The following SETX variants were observed in gnomAD, a reference collection of about 807,000 sequenced individuals.
The protein encoded by SETX is helicase senataxin.
SETX carries 90 observed loss-of-function variants against 227.2 expected under a neutral mutation model. That is an observed-to-expected ratio of 0.40 (90% CI 0.33 to 0.47). The LOEUF (loss-of-function observed/expected upper bound fraction) is 0.47. SETX is among the 20% of genes least tolerant of loss of function. The pLI, the probability that SETX is intolerant of heterozygous loss-of-function variation, is 0.91. For synonymous variants in SETX, 1,210 were observed against 1,113.2 expected (o/e 1.09, Z -1.73); for missense variants, 3,052 against 3,181.5 (o/e 0.96, Z 0.98).
chr9:132,279,403 T>TA (rs899346231), intron 20 of SETX, among the ~76,000 whole-genome samples: 91 of 152,228 alleles, frequency 6.0e-4, no homozygotes, highest in African/African-American at 2.1e-3. Flanking sequence ...CCCTAGAACT[T>TA]AAAGTATAAT....
intron 10 of SETX, among the ~76,000 whole-genome samples, chr9:132,318,108 A>T (rs922272763): frequency 1.3e-5 from 2 of 152,056 alleles, no homozygotes; most frequent in Admixed American, 6.5e-5. Flanking sequence ...CTGAGTGGAC[A>T]TTCTAGCTTG....
In SETX at chr9:132,302,900, A is replaced by C. The variant is rs548229523; in HGVS notation, c.5375-2097T>G. 5.3e-5 allele frequency among the ~76,000 whole-genome samples: 8 copies of C among 152,352 alleles called. No individual in the cohort carries two copies. In the South Asian group the frequency reaches 1.7e-3, roughly 32 times the overall value. The stretch of plus-strand genomic sequence containing the variant: ...GTGTTTAAAAGCAGACCTGCAATCA[A>C]GATCAACTGATATTCCGACAAATAT... On this transcript the variant is annotated intron_variant, in intron 11 of 25. Transcript: ENST00000224140.
chr9:132,312,095 G>C lies in SETX; in HGVS notation c.5275-239C>G, dbSNP rs912279563. On this transcript the variant is annotated intron_variant, in intron 10 of 25. Coordinates refer to ENST00000224140, the MANE Select transcript of SETX (RefSeq NM_015046.7). The stretch of plus-strand genomic sequence containing the variant: ...AAAAATGTTAAAAAATAAAAATTCT[G>C]TTCTTCAAACTAGTCACACTTGCAG... Among the ~76,000 whole-genome samples, 7 of 152,190 alleles carry C rather than the reference G, an allele frequency of 4.6e-5. 1 individual carries two copies. Among genetic ancestry groups the C allele is most frequent in the Non-Finnish European group, 1.5e-5 (1 of 68,040 alleles).
In SETX at chr9:132,264,100, G is replaced by C. The variant is rs1842508505; in HGVS notation, c.*139C>G. 5.1e-6 allele frequency: 6 copies of C among 1,184,064 alleles called. No individual in the cohort carries two copies. The highest frequency in any genetic ancestry group is 4.9e-6 in the Non-Finnish European group (4 of 812,520). 73.3% of individuals were successfully genotyped at this position (1,184,064 alleles called of 1,614,324 possible). A position where few individuals can be genotyped will look rare whatever the true frequency, so the allele number is the denominator to read the frequency against. ...ATACTGAAGATGACCAGAGGCTCAG[G>C]TGTTAAGGATGCATTTTCCATGTTT... On this transcript the variant is annotated 3_prime_UTR_variant, in exon 26 of 26. Transcript: ENST00000224140.
chr9:132,330,151 G>A lies in SETX; in HGVS notation c.1447C>T (p.Gln483Ter), dbSNP rs767013291. Reference sequence around the variant, plus strand: ...TTGACGACGGCTTCCACCCATTGCTGGGAACTTACCCACAGCAAATGCAAA... The same window carrying A: ...TTGACGACGGCTTCCACCCATTGCTAGGAACTTACCCACAGCAAATGCAAA... ...KCLHLLWVSS[Q>*]QWVEAVVKCA... The change falls in exon 10 of 26, where the codon CAG becomes TAG. Residue 483 changes from glutamine (Q) to a stop codon, truncating the protein, a stop_gained. Coordinates refer to ENST00000224140, the MANE Select transcript of SETX (RefSeq NM_015046.7). LOFTEE classifies it high-confidence loss of function. The A allele has an allele frequency of 1.2e-6, 2 of 1,608,338 alleles. No homozygotes were observed. Among genetic ancestry groups the A allele is most frequent in the Non-Finnish European group, 1.7e-6 (2 of 1,175,454 alleles).
At chr9:132,330,521 T>TG in intron 9 of SETX, 22 bp from the exon 10 acceptor site, 1 of 1,602,198 alleles carries the variant, frequency 6.2e-7, no homozygotes, top group Non-Finnish European at 8.5e-7. Flanking sequence ...GAAATGCTGA[T>TG]GTTCAGATAA....
rs761431773 is a variant in SETX, at chr9:132,264,315, G to A, written c.7958C>T (p.Thr2653Ile). 13 of 1,614,018 alleles carry A rather than the reference G, an allele frequency of 8.1e-6. No homozygotes were observed. The highest frequency in any genetic ancestry group is 1.7e-5 in the Admixed American group (1 of 59,992). Reference protein sequence around the residue: ...QEKCGSETHHTRRNSRWDKRT... With the variant: ...QEKCGSETHHIRRNSRWDKRT... ...CTTGTCCCACCTAGAGTTCCTCCTGGTGTGATGGGTCTCGGAACCACACTT... is the reference window on the plus strand; with the variant it reads ...CTTGTCCCACCTAGAGTTCCTCCTGATGTGATGGGTCTCGGAACCACACTT... The change falls in exon 26 of 26, where the codon ACC becomes ATC. Residue 2653 changes from threonine (T) to isoleucine (I), a missense_variant. By Grantham distance (89) the Thr-to-Ile change is moderately conservative (BLOSUM62 -1). Around this residue, in one of 10 missense-constraint regions of SETX, gnomAD observed 294 missense variants for 278.8 expected, o/e 1.05. Coordinates refer to ENST00000224140, the MANE Select transcript of SETX (RefSeq NM_015046.7).
At chr9:132,299,081 G>A (rs1003303749) in intron 12 of SETX, among the ~76,000 whole-genome samples, 3 of 152,230 alleles carry the variant, frequency 2.0e-5, no homozygotes, top group Non-Finnish European at 2.9e-5. Flanking sequence ...GTAGACGTGG[G>A]AACTGGATTT....
chr9:132,333,412 TATATAC>T (rs1488574765), intron 7 of SETX, among the ~76,000 whole-genome samples: 2 of 104,050 alleles, frequency 1.9e-5, no homozygotes, highest in African/African-American at 9.0e-5. Flanking sequence ...AAAAAAAATA[TATATAC>T]ACACACACAC....
intron 18 of SETX, among the ~76,000 whole-genome samples, chr9:132,286,218 G>A (rs1261430745): frequency 6.6e-6 from 1 of 151,076 alleles, no homozygotes; most frequent in Non-Finnish European, 1.5e-5. Flanking sequence ...CAGGCATGGT[G>A]GTGCACGCCT....
In SETX at chr9:132,329,393, T is replaced by C. The variant is rs140415349; in HGVS notation, c.2205A>G (p.Gly735=). ...DCTSRNGPER[G]CDRGIIVSTR... is the part of the protein sequence containing the mutation. Reference sequence around the variant, plus strand: ...TTGATACTATTATTCCTCTGTCACATCCCCTTTCTGGACCATTTCTTGAAG... The same window carrying C: ...TTGATACTATTATTCCTCTGTCACACCCCCTTTCTGGACCATTTCTTGAAG... Residue 735 remains glycine, a synonymous_variant, in exon 10 of 26, where the codon GGA becomes GGG. Transcript: ENST00000224140. The C allele has an allele frequency of 2.5e-6, 4 of 1,613,926 alleles. No individual in the cohort carries two copies. The South Asian group carries it at 4.4e-5, about 18-fold the overall frequency.
chr9:132,345,685 T>G (rs1444882255), intron 4 of SETX, among the ~76,000 whole-genome samples: 2 of 152,240 alleles, frequency 1.3e-5, no homozygotes, highest in Non-Finnish European at 2.9e-5. Flanking sequence ...TCATGTTCAC[T>G]GTATAATTTA....
At chr9:132,335,188 A>G (rs1295407168) in intron 6 of SETX, among the ~76,000 whole-genome samples, 2 of 151,778 alleles carry the variant, frequency 1.3e-5, no homozygotes, top group Non-Finnish European at 2.9e-5. Context: ...CAGGAGATCG[A>G]GACCATCCTG....
intron 1 of SETX, among the ~76,000 whole-genome samples, chr9:132,354,525 AAAAC>A (rs1314658455): frequency 3.3e-5 from 5 of 151,724 alleles, no homozygotes; most frequent in Non-Finnish European, 7.4e-5. Flanking sequence ...AAAAGAAAAA[AAAAC>A]AAAGGGAGGG....
Position 132,275,247 on chromosome 9 carries a change from A to C in SETX, c.7100+9T>G, listed in dbSNP as rs200088320. On this transcript the variant is annotated intron_variant, in intron 23 of 25. Transcript: ENST00000224140. The stretch of plus-strand genomic sequence containing the variant: ...AAGAAAATTGGAAATATTTATAAAA[A>C]TGCCTCACCCTTTTCTATCGAACTC... 6.2e-7 allele frequency: 1 copy of C among 1,613,480 alleles called. No individual in the cohort carries two copies. Among genetic ancestry groups the C allele is most frequent in the East Asian group, 2.2e-5 (1 of 44,860 alleles).
chr9:132,342,669 T>C, intron 5 of SETX, 21 bp downstream of exon 5: 2 of 1,493,316 alleles, frequency 1.3e-6, no homozygotes, highest in Middle Eastern at 1.7e-4. Flanking sequence ...TACCCTTCTA[T>C]CGCCCAACAC....
In SETX at chr9:132,327,757, T is replaced by C. The variant is rs1433049347; in HGVS notation, c.3841A>G (p.Thr1281Ala). The change falls in exon 10 of 26, where the codon ACT becomes GCT. Residue 1281 changes from threonine (T) to alanine (A), a missense_variant. Physicochemically the swap from Thr to Ala is moderately conservative, Grantham distance 58. Coordinates refer to ENST00000224140, the MANE Select transcript of SETX (RefSeq NM_015046.7). ...PKKFRQCPEPTSTAEKLGLKK... is the reference protein window; with the variant it reads ...PKKFRQCPEPASTAEKLGLKK... ...AGGCCAAGTTTCTCAGCTGTTGAAGTTGGCTCAGGACACTGACGAAATTTC... is the reference window on the plus strand; with the variant it reads ...AGGCCAAGTTTCTCAGCTGTTGAAGCTGGCTCAGGACACTGACGAAATTTC... 3 of 1,614,208 alleles carry C rather than the reference T, an allele frequency of 1.9e-6. No homozygotes were observed. Among genetic ancestry groups the C allele is most frequent in the South Asian group, 2.2e-5 (2 of 91,086 alleles).
chr9:132,327,223 A>G lies in SETX; in HGVS notation c.4375T>C (p.Ser1459Pro), dbSNP rs768109602. 4 of 1,614,088 alleles carry G rather than the reference A, an allele frequency of 2.5e-6. No homozygotes were observed. The highest frequency in any genetic ancestry group is 3.4e-6 in the Non-Finnish European group (4 of 1,180,044). ...GTVPTNEVIV[S>P]TSEDPLGGGD... Reference sequence around the variant, plus strand: ...CCACCCAGAGGGTCTTCTGAAGTGGAGACAATTACTTCATTTGTTGGTACT... The same window carrying G: ...CCACCCAGAGGGTCTTCTGAAGTGGGGACAATTACTTCATTTGTTGGTACT... The change falls in exon 10 of 26, where the codon TCC becomes CCC. Residue 1459 changes from serine to proline, a missense_variant. Physicochemically the swap from Ser to Pro is moderately conservative, Grantham distance 74. This residue lies in a region of SETX where 1,483 missense variants were observed against 1,312.0 expected (regional missense o/e 1.13). Transcript: ENST00000224140.
intron 5 of SETX, among the ~76,000 whole-genome samples, chr9:132,340,891 C>A (rs1346867748): frequency 1.3e-5 from 2 of 152,180 alleles, no homozygotes; most frequent in Non-Finnish European, 2.9e-5. Context: ...ACTTTATTCT[C>A]CCACAGCCCA....
Sources: allele counts gnomAD v4.1 joint callset (sites outside exome capture counted in the v4.1 genomes callset), GRCh38; gene constraint gnomAD v4.1.1; regional missense constraint gnomAD v4.1.1; transcripts MANE v1.5; gene names NCBI Gene and HGNC (gene_info 2026-07-23, HGNC 2026-07-21).